The following ME3 variants were observed in gnomAD, a reference collection of about 807,000 sequenced individuals.
ME3 encodes the protein malic enzyme 3, also known as NADP-dependent malic enzyme, mitochondrial.
ME3 carries 48 observed loss-of-function variants against 68.9 expected under a neutral mutation model. The ratio of observed to expected loss-of-function variants is 0.70; its 90% CI spans 0.55 to 0.89. The LOEUF (loss-of-function observed/expected upper bound fraction) is 0.89, where lower values mean the gene tolerates loss of function less well. Ranked by LOEUF, ME3 falls within the 40% of genes least tolerant of loss-of-function variation. ME3 has a pLI of 0.00. For missense variants in ME3, 675 were observed against 797.4 expected (o/e 0.85, Z 1.85); for synonymous variants, 320 against 318.8 (o/e 1.00, Z -0.04).
intron 2 of ME3, among the ~76,000 whole-genome samples, chr11:86,652,896 G>A (rs1468615296): frequency 1.1e-4 from 17 of 148,630 alleles, no homozygotes; most frequent in Non-Finnish European, 2.2e-4. Context: ...AGGGATGAAG[G>A]AAGATCAACC....
intron 2 of ME3, among the ~76,000 whole-genome samples, chr11:86,621,258 A>C (rs1489418927): frequency 8.5e-5 from 13 of 152,202 alleles, no homozygotes; most frequent in African/African-American, 3.1e-4. Context: ...AAAAGTCACT[A>C]TTTTCAACAA....
chr11:86,624,810 A>G (rs1943558440), intron 2 of ME3, among the ~76,000 whole-genome samples: 1 of 152,212 alleles, frequency 6.6e-6, no homozygotes, highest in African/African-American at 2.4e-5. Flanking sequence ...GGACTGCTCT[A>G]AGGACCAGAT....
intron 4 of ME3, among the ~76,000 whole-genome samples, chr11:86,519,660 G>A (rs1954127634): frequency 6.6e-6 from 1 of 152,154 alleles, no homozygotes; most frequent in Non-Finnish European, 1.5e-5. Context: ...CATATTTTTT[G>A]GCAGGAAGGG....
intron 6 of ME3, among the ~76,000 whole-genome samples, chr11:86,487,867 G>T (rs138614522): frequency 6.6e-6 from 1 of 152,168 alleles, no homozygotes; most frequent in African/African-American, 2.4e-5. Context: ...AGTAACACTC[G>T]CAGTTGTGGC....
At chr11:86,466,677 C>CA (rs1396620560) in intron 7 of ME3, among the ~76,000 whole-genome samples, 1 of 152,166 alleles carries the variant, frequency 6.6e-6, no homozygotes, top group Non-Finnish European at 1.5e-5. Context: ...CTGTCCAGCC[C>CA]AAATACCAGT....
chr11:86,607,303 C>G (rs1961821055), intron 2 of ME3, among the ~76,000 whole-genome samples: 1 of 152,118 alleles, frequency 6.6e-6, no homozygotes, highest in African/African-American at 2.4e-5. Flanking sequence ...CGGGGCTGAA[C>G]TTTAACTCCT....
At chr11:86,567,143 G>A (rs949654600) in intron 2 of ME3, among the ~76,000 whole-genome samples, 1 of 152,016 alleles carries the variant, frequency 6.6e-6, no homozygotes, top group Non-Finnish European at 1.5e-5. Flanking sequence ...CATGAAACTG[G>A]GAGGCGGAGG....
At chr11:86,562,408 G>A (rs1957279750) in intron 2 of ME3, among the ~76,000 whole-genome samples, 1 of 152,090 alleles carries the variant, frequency 6.6e-6, no homozygotes, top group Non-Finnish European at 1.5e-5. Flanking sequence ...ATAATATGTT[G>A]GAGTGCAACT....
chr11:86,507,459 T>C (rs897707732), intron 5 of ME3, among the ~76,000 whole-genome samples: 1 of 151,600 alleles, frequency 6.6e-6, no homozygotes, highest in Non-Finnish European at 1.5e-5. Context: ...TTCCTTGTAC[T>C]ATGCTTGGTC....
chr11:86,513,707 G>C (rs1265153768), intron 4 of ME3, among the ~76,000 whole-genome samples: 1 of 152,178 alleles, frequency 6.6e-6, no homozygotes, highest in African/African-American at 2.4e-5. Context: ...GGATTATGAT[G>C]ATAAGCAAAT....
intron 8 of ME3, among the ~76,000 whole-genome samples, chr11:86,454,934 A>G (rs1041489213): frequency 5.3e-5 from 8 of 152,260 alleles, no homozygotes; most frequent in African/African-American, 1.9e-4. Context: ...TACTTGGCTC[A>G]GTGGCTGAGA....
At chr11:86,488,083 G>A (rs576791582) in intron 6 of ME3, among the ~76,000 whole-genome samples, 4 of 152,254 alleles carry the variant, frequency 2.6e-5, no homozygotes, top group Admixed American at 6.5e-5. Context: ...AGGAGGCTGC[G>A]GCAGGAGGCT....
intron 4 of ME3, among the ~76,000 whole-genome samples, chr11:86,535,611 C>T (rs186822663): frequency 4.6e-5 from 7 of 152,304 alleles, no homozygotes; most frequent in East Asian, 3.9e-4. Context: ...GCCATCCTAG[C>T]ATTTAAATCC....
intron 4 of ME3, among the ~76,000 whole-genome samples, chr11:86,545,833 CA>C (rs1217993117): frequency 6.6e-6 from 1 of 152,070 alleles, no homozygotes; most frequent in South Asian, 2.1e-4. Context: ...CATATGGAAA[CA>C]AAAAAGAGCC....
At chr11:86,604,266 C>A (rs764339812) in intron 2 of ME3, among the ~76,000 whole-genome samples, 6 of 151,952 alleles carry the variant, frequency 3.9e-5, no homozygotes, top group Non-Finnish European at 8.8e-5. Context: ...GGTGTTAAAG[C>A]TGGAGGGGCA....
intron 2 of ME3, among the ~76,000 whole-genome samples, chr11:86,606,420 G>C (rs7940654): frequency 1.3e-5 from 2 of 152,010 alleles, no homozygotes; most frequent in African/African-American, 4.8e-5. Flanking sequence ...TGGCCACTTA[G>C]AGCCACACAC....
chr11:86,588,792 T>C (rs143076393), intron 2 of ME3, among the ~76,000 whole-genome samples: 8 of 152,312 alleles, frequency 5.3e-5, no homozygotes, highest in African/African-American at 1.9e-4. Flanking sequence ...TGGGTTTCCC[T>C]AAGGTTTACT....
chr11:86,485,774 C>T (rs562587487), intron 7 of ME3, among the ~76,000 whole-genome samples: 2 of 152,314 alleles, frequency 1.3e-5, no homozygotes, highest in African/African-American at 4.8e-5. Flanking sequence ...CCCGTTTTCT[C>T]TTGCCTGGCA....
chr11:86,483,871 C>T (rs1265918490), intron 7 of ME3, among the ~76,000 whole-genome samples: 2 of 152,184 alleles, frequency 1.3e-5, no homozygotes, highest in African/African-American at 4.8e-5. Context: ...CTGTAAGTAA[C>T]AGAAATGAAA....
Sources: gnomAD v4.1 joint callset for allele counts (sites outside exome capture counted in the v4.1 genomes callset) on GRCh38, gnomAD v4.1.1 for gene constraint, MANE v1.5 for transcripts, NCBI Gene and HGNC (gene_info 2026-07-23, HGNC 2026-07-21) for gene names.